METTL16: variants seen among roughly 807,000 people sequenced by gnomAD.
METTL16 encodes the protein RNA N(6)-adenosine-methyltransferase METTL16.
Under a neutral mutation model 57.9 loss-of-function variants are expected in METTL16, and 19 were observed. The observed-to-expected ratio is 0.33, with a 90% CI of 0.23 to 0.48. The LOEUF (loss-of-function observed/expected upper bound fraction) is 0.48. Among genes scored for constraint, METTL16 ranks in the 20% least tolerant of loss-of-function variants. The pLI is 0.99. For missense variants in METTL16, 434 were observed against 691.5 expected (o/e 0.63, Z 4.18); for synonymous variants, 246 against 255.6 (o/e 0.96, Z 0.36).
chr17:2,447,783 G>T (rs1752304999), intron 6 of METTL16, among the ~76,000 whole-genome samples: 5 of 119,442 alleles, frequency 4.2e-5, no homozygotes, highest in Admixed American at 3.8e-4. Flanking sequence ...CCGGCCAGCC[G>T]CCCCGTCCGG....
chr17:2,428,602 T>TATATATATAA (rs376112549), intron 8 of METTL16, among the ~76,000 whole-genome samples: 35 of 94,964 alleles, frequency 3.7e-4, no homozygotes, highest in African/African-American at 1.5e-3. Context: ...TATATATATA[T>TATATATATAA]AAATTGTAAT....
chr17:2,499,763 T>TA (rs1292796899), intron 2 of METTL16, among the ~76,000 whole-genome samples: 1 of 152,206 alleles, frequency 6.6e-6, no homozygotes, highest in Non-Finnish European at 1.5e-5. Flanking sequence ...CAATTTATTC[T>TA]ATTTTTTTGA....
At chr17:2,421,350 G>A (rs528894047) in intron 8 of METTL16, among the ~76,000 whole-genome samples, 1 of 151,990 alleles carries the variant, frequency 6.6e-6, no homozygotes, top group African/African-American at 2.4e-5. Flanking sequence ...GTGAGACCCT[G>A]TCTCTTAAGA....
At chr17:2,469,889 G>T (rs1016744212) in intron 4 of METTL16, among the ~76,000 whole-genome samples, 6 of 152,130 alleles carry the variant, frequency 3.9e-5, no homozygotes, top group African/African-American at 1.4e-4. Flanking sequence ...TAAAATCTTG[G>T]TGACTAAGTT....
intron 5 of METTL16, among the ~76,000 whole-genome samples, 161 bp from the exon 6 acceptor site, chr17:2,464,511 T>C (rs1233861141): frequency 6.6e-6 from 1 of 152,216 alleles, no homozygotes. Flanking sequence ...AATATTTTAT[T>C]TCAAACAGCT....
At chr17:2,466,591 A>G (rs2067198462) in intron 5 of METTL16, among the ~76,000 whole-genome samples, 1 of 152,170 alleles carries the variant, frequency 6.6e-6, no homozygotes, top group African/African-American at 2.4e-5. Context: ...TATCTGAGGA[A>G]GATCTGCCTT....
At chr17:2,430,879 A>G (rs892495671) in intron 8 of METTL16, among the ~76,000 whole-genome samples, 2 of 151,802 alleles carry the variant, frequency 1.3e-5, no homozygotes, top group African/African-American at 4.8e-5. Context: ...AATTTCTATC[A>G]CCATGGGTTG....
intron 1 of METTL16, among the ~76,000 whole-genome samples, chr17:2,506,431 G>A (rs1474115863): frequency 5.3e-5 from 8 of 151,854 alleles, no homozygotes; most frequent in African/African-American, 9.7e-5. Flanking sequence ...GATTGCAGGC[G>A]CACGCCGCCA....
Position 2,420,188 on chromosome 17 carries a change from C to G in METTL16, c.1471G>C (p.Glu491Gln). ...QGSSNGAQDQ[E>Q]ASEQFGSPVA... is the part of the protein sequence containing the mutation. ...GGGCTGCCGAACTGCTCAGAAGCCTCTTGGTCCTGGGCTCCGTTGCTAGAG... is the reference window on the plus strand; with the variant it reads ...GGGCTGCCGAACTGCTCAGAAGCCTGTTGGTCCTGGGCTCCGTTGCTAGAG... The change falls in exon 10 of 10, where the codon GAG becomes CAG. Residue 491 changes from glutamate to glutamine, a missense_variant. By Grantham distance (29) the Glu-to-Gln change is conservative (BLOSUM62 2). Around this residue, in one of 5 missense-constraint regions of METTL16, gnomAD observed 168 missense variants for 149.6 expected, o/e 1.12. Coordinates refer to ENST00000263092, the MANE Select transcript of METTL16 (RefSeq NM_024086.4). This position sits in a 1 kb window ranked among gnomAD's most constrained non-coding sequence, Gnocchi z 5.4. 3 of 1,614,236 alleles carry G rather than the reference C, an allele frequency of 1.9e-6. No individual in the cohort carries two copies.
chr17:2,440,023 T>C (rs141575506), intron 7 of METTL16, among the ~76,000 whole-genome samples: 12 of 151,222 alleles, frequency 7.9e-5, no homozygotes, highest in South Asian at 2.1e-4. Flanking sequence ...CCTATCTTTA[T>C]AAAAAATAAG....
chr17:2,481,741 A>C (rs2067308241), intron 2 of METTL16, among the ~76,000 whole-genome samples: 1 of 152,210 alleles, frequency 6.6e-6, no homozygotes, highest in Admixed American at 6.5e-5. Flanking sequence ...ATAAAGAAAT[A>C]TTCAAAGACA....
chr17:2,432,151 C>G (rs992143719), intron 8 of METTL16, among the ~76,000 whole-genome samples: 5 of 152,108 alleles, frequency 3.3e-5, no homozygotes, highest in Admixed American at 3.3e-4. Flanking sequence ...AAGGTTTCAC[C>G]GTGTTAGCCA....
intron 1 of METTL16, among the ~76,000 whole-genome samples, chr17:2,505,311 TC>T (rs1487175321): frequency 2.7e-5 from 4 of 149,564 alleles, no homozygotes; most frequent in African/African-American, 9.8e-5. Context: ...ATCCAAGAAA[TC>T]ACCACTTCTG....
rs7216259 is a variant in METTL16 at position 2,439,606 on chromosome 17, G to A, written c.799-1408C>T. 7.0e-3 allele frequency among the ~76,000 whole-genome samples: 1,062 copies of A among 152,008 alleles called. 9 individuals are homozygous for A. The highest frequency in any genetic ancestry group is 0.024 in the African/African-American group (1,003 of 41,446). On this transcript the variant is annotated intron_variant, in intron 7 of 9. Transcript: ENST00000263092. ...TTCTGGATCTATAAAGGAGTGAGTT[G>A]AACTTGTCTTGGAGGCATAGTAAAA...
chr17:2,459,881 A>T lies in METTL16; in HGVS notation c.728+4327T>A, dbSNP rs555205596. 3.3e-5 allele frequency: 5 copies of T among 152,318 alleles called. No homozygotes were observed. The East Asian group carries it at 9.7e-4, about 29-fold the overall frequency. 9.4% of individuals were successfully genotyped at this position (152,318 alleles called of 1,614,324 possible). On this transcript the variant is annotated intron_variant, in intron 6 of 9. Coordinates refer to ENST00000263092, the MANE Select transcript of METTL16 (RefSeq NM_024086.4). The stretch of plus-strand genomic sequence containing the variant: ...CCAGGCATGGTGGCACATGCCTGTA[A>T]TCCCAGCTACTCTCGAGGCGGAGGC...
In METTL16 at chr17:2,417,085, T is replaced by TTTTTTTTTTTTTTTTTTTTA. The variant is rs869134753; in HGVS notation, c.*2884_*2885insTAAAAAAAAAAAAAAAAAAA. 6.5e-5 allele frequency: 9 copies of TTTTTTTTTTTTTTTTTTTTA among 138,432 alleles called. No homozygotes were observed. Among genetic ancestry groups the TTTTTTTTTTTTTTTTTTTTA allele is most frequent in the African/African-American group, 2.3e-4 (8 of 35,040 alleles). The allele number at this position is 138,432 out of a possible 1,614,324, so 8.6% of individuals were successfully genotyped here. A position where few individuals can be genotyped will look rare whatever the true frequency, so the allele number is the denominator to read the frequency against. On this transcript the variant is annotated 3_prime_UTR_variant, in exon 10 of 10. Coordinates refer to ENST00000263092, the MANE Select transcript of METTL16 (RefSeq NM_024086.4). ...TTTTTTTTTTTTTTTTTTTTTTTTT[T>TTTTTTTTTTTTTTTTTTTTA]GAGACAGTCCCACTTTGTCGCCCAG...
At chr17:2,447,133 G>A (rs1263441774) in intron 6 of METTL16, among the ~76,000 whole-genome samples, 192 of 143,370 alleles carry the variant, frequency 1.3e-3, no homozygotes, top group Non-Finnish European at 2.3e-3. Flanking sequence ...TCTAGGAAGC[G>A]AGGAGCGCCT....
rs1353501868 is a variant in METTL16 at position 2,443,041 on chromosome 17, G to A, written c.729-1482C>T. Among the ~76,000 whole-genome samples the A allele has an allele frequency of 3.3e-5, 5 of 151,916 alleles. No homozygotes were observed. In the East Asian group the frequency reaches 9.7e-4, roughly 29 times the overall value. On this transcript the variant is annotated intron_variant, in intron 6 of 9. Coordinates refer to ENST00000263092, the MANE Select transcript of METTL16 (RefSeq NM_024086.4). ...GTACCACTCTGTCGCCCAGGCTGGA[G>A]TGCAGTGGCGTGATCTCCACTCACT... is the stretch of plus-strand genomic sequence containing the variant.
chr17:2,464,061 T>G (rs2067172380), intron 6 of METTL16, 147 bp downstream of exon 6: 1 of 684,488 alleles, frequency 1.5e-6, no homozygotes, highest in Non-Finnish European at 2.3e-6. Context: ...AGGCAGAGGT[T>G]GCAGTGAGCT....
Sources: allele counts gnomAD v4.1 joint callset (sites outside exome capture counted in the v4.1 genomes callset), GRCh38; gene constraint gnomAD v4.1.1; regional missense constraint gnomAD v4.1.1; non-coding constraint Gnocchi (gnomAD v3.1); transcripts MANE v1.5; gene names NCBI Gene and HGNC (gene_info 2026-07-23, HGNC 2026-07-21).